Variants in ARHGAP44 observed in about 807,000 individuals in gnomAD.
ARHGAP44 encodes the protein Rho GTPase activating protein 44, also known as rho GTPase-activating protein 44.
In ARHGAP44, 43 loss-of-function variants were observed where a neutral mutation model predicts 106.8. That is an observed-to-expected ratio of 0.40 (90% confidence interval 0.32 to 0.52). ARHGAP44 has a LOEUF of 0.52. ARHGAP44 is among the 20% of genes least tolerant of loss of function. The pLI, the probability that ARHGAP44 is intolerant of heterozygous loss-of-function variation, is 0.48. For missense variants in ARHGAP44, 866 were observed against 1,050.5 expected (o/e 0.82, Z 2.43); for synonymous variants, 439 against 410.3 (o/e 1.07, Z -0.85).
intron 1 of ARHGAP44, among the ~76,000 whole-genome samples, chr17:12,848,776 G>A (rs953065742): frequency 6.6e-6 from 1 of 152,086 alleles, no homozygotes; most frequent in East Asian, 1.9e-4. Flanking sequence ...GGCTGGGCAC[G>A]GTGGCTCATG....
intron 1 of ARHGAP44, among the ~76,000 whole-genome samples, chr17:12,874,045 G>T (rs2036482972): frequency 6.6e-6 from 1 of 152,204 alleles, no homozygotes; most frequent in Non-Finnish European, 1.5e-5. Flanking sequence ...ATAAGTGGTT[G>T]TTGGGGATGG....
chr17:12,812,521 A>T (rs376103633), intron 1 of ARHGAP44, among the ~76,000 whole-genome samples: 2 of 152,244 alleles, frequency 1.3e-5, no homozygotes, highest in East Asian at 1.9e-4. Context: ...ACATCTATAG[A>T]TGAATTTTAC....
intron 1 of ARHGAP44, among the ~76,000 whole-genome samples, chr17:12,843,732 T>G (rs2035485924): frequency 6.8e-6 from 1 of 148,108 alleles, no homozygotes; most frequent in Non-Finnish European, 1.5e-5. Flanking sequence ...CTCTGCTCAC[T>G]GCAACCACCA....
In ARHGAP44 at chr17:12,828,803, G is replaced by A. The variant is rs185464398; in HGVS notation, c.53+38912G>A. Reference sequence around the variant, plus strand: ...ACTACAGGCGTCCGCCACCATGCCCGGCTAATTTTTTGTATTTTTAGTGGA... The same window carrying A: ...ACTACAGGCGTCCGCCACCATGCCCAGCTAATTTTTTGTATTTTTAGTGGA... On this transcript the variant is annotated intron_variant, in intron 1 of 20. Coordinates refer to ENST00000379672, the MANE Select transcript of ARHGAP44 (RefSeq NM_014859.6). 3.7e-3 allele frequency among the ~76,000 whole-genome samples: 560 copies of A among 151,702 alleles called. 1 individual carries two copies. The highest frequency in any genetic ancestry group is 0.011 in the African/African-American group (452 of 41,374).
At chr17:12,839,732 G>A (rs567818478) in intron 1 of ARHGAP44, among the ~76,000 whole-genome samples, 4 of 152,242 alleles carry the variant, frequency 2.6e-5, no homozygotes, top group South Asian at 2.1e-4. Flanking sequence ...TTTAAGTTGC[G>A]TGGATATTCA....
intron 4 of ARHGAP44, among the ~76,000 whole-genome samples, chr17:12,913,166 A>G (rs1246293135): frequency 1.3e-5 from 2 of 152,138 alleles, no homozygotes; most frequent in South Asian, 2.1e-4. Flanking sequence ...TTATTTTAAT[A>G]TATAACAGAA....
intron 1 of ARHGAP44, among the ~76,000 whole-genome samples, chr17:12,870,297 G>A (rs978962491): frequency 2.6e-5 from 4 of 151,968 alleles, no homozygotes; most frequent in Admixed American, 6.6e-5. Context: ...CAGTTCTCCC[G>A]CCTCAGTACT....
At chr17:12,917,593 C>G (rs2037956247) in intron 5 of ARHGAP44, among the ~76,000 whole-genome samples, 1 of 152,110 alleles carries the variant, frequency 6.6e-6, no homozygotes, top group Non-Finnish European at 1.5e-5. Context: ...CTGACTCACA[C>G]ATTGGTCTCT....
At chr17:12,856,189 C>G (rs569468781) in intron 1 of ARHGAP44, among the ~76,000 whole-genome samples, 6 of 152,266 alleles carry the variant, frequency 3.9e-5, no homozygotes, top group African/African-American at 1.4e-4. Flanking sequence ...TGTAGATGGT[C>G]CATTGAAGCC....
At chr17:12,873,767 G>A (rs1157084079) in intron 1 of ARHGAP44, among the ~76,000 whole-genome samples, 4 of 151,976 alleles carry the variant, frequency 2.6e-5, no homozygotes, top group East Asian at 3.9e-4. Flanking sequence ...GCATGGTGGC[G>A]GGCACCTGTA....
At chr17:12,832,333 G>C (rs988345153) in intron 1 of ARHGAP44, among the ~76,000 whole-genome samples, 3 of 152,130 alleles carry the variant, frequency 2.0e-5, no homozygotes, top group African/African-American at 4.8e-5. Flanking sequence ...CACAAGGCCA[G>C]ATGAGCCAAT....
chr17:12,850,086 A>G (rs953468970), intron 1 of ARHGAP44, among the ~76,000 whole-genome samples: 1 of 152,194 alleles, frequency 6.6e-6, no homozygotes, highest in African/African-American at 2.4e-5. Context: ...ACTGACATAT[A>G]AAGACTTGTC....
intron 3 of ARHGAP44, among the ~76,000 whole-genome samples, chr17:12,900,270 C>T (rs1420850165): frequency 1.3e-5 from 2 of 152,108 alleles, no homozygotes; most frequent in East Asian, 3.9e-4. Context: ...GCTGAGATTA[C>T]AGACGCCCAC....
intron 1 of ARHGAP44, among the ~76,000 whole-genome samples, chr17:12,830,407 T>C (rs1186561797): frequency 6.6e-6 from 1 of 152,172 alleles, no homozygotes; most frequent in Non-Finnish European, 1.5e-5. Flanking sequence ...CAGTAAGATG[T>C]GGCTGGGAGG....
chr17:12,978,673 TTTTTC>T (rs1340719754), intron 18 of ARHGAP44, among the ~76,000 whole-genome samples: 1 of 145,328 alleles, frequency 6.9e-6, no homozygotes, highest in African/African-American at 2.5e-5. Context: ...CTGCCTTTTT[TTTTTC>T]TTTTCTTTTT....
Position 12,912,154 on chromosome 17 carries a change from G to T in ARHGAP44, c.275+3181G>T, listed in dbSNP as rs1243131869. ...ACAGATTGTGTAGGGGAGGAAAAAA[G>T]GTTAGGAGAACAATCACTTGTGTTT... On this transcript the variant is annotated intron_variant, in intron 4 of 20. Coordinates refer to ENST00000379672, the MANE Select transcript of ARHGAP44 (RefSeq NM_014859.6). Among the ~76,000 whole-genome samples, 8 of 152,116 alleles carry T rather than the reference G, an allele frequency of 5.3e-5. No individual in the cohort carries two copies. The East Asian group carries it at 1.3e-3, about 26-fold the overall frequency.
intron 1 of ARHGAP44, among the ~76,000 whole-genome samples, chr17:12,846,363 A>G (rs982204775): frequency 6.6e-6 from 1 of 152,176 alleles, no homozygotes; most frequent in Admixed American, 6.5e-5. Context: ...ATTAACAGTT[A>G]CAATGGATGC....
rs1243917154 is a variant in ARHGAP44, at chr17:12,984,888, C to G, written c.2297C>G (p.Pro766Arg). 1 of 1,610,396 alleles carries G rather than the reference C, an allele frequency of 6.2e-7. No individual in the cohort carries two copies. Among genetic ancestry groups the G allele is most frequent in the Non-Finnish European group, 8.5e-7 (1 of 1,177,324 alleles). ...TEAPMLDGMS[P>R]GESMSTDLVH... ...GCCCCCATGCTAGATGGCATGTCCC[C>G]TGGGGAAAGCATGTCTACAGGTAAC... Residue 766 changes from proline (P) to arginine (R), a missense_variant, in exon 20 of 21, where the codon CCT becomes CGT. Coordinates refer to ENST00000379672, the MANE Select transcript of ARHGAP44 (RefSeq NM_014859.6).
intron 10 of ARHGAP44, among the ~76,000 whole-genome samples, chr17:12,947,277 A>G (rs1427324355): frequency 6.6e-6 from 1 of 152,180 alleles, no homozygotes; most frequent in East Asian, 1.9e-4. Context: ...ACTTACTGCC[A>G]GCCTCCTTGG....
Sources: allele counts gnomAD v4.1 joint callset (sites outside exome capture counted in the v4.1 genomes callset), GRCh38; gene constraint gnomAD v4.1.1; transcripts MANE v1.5; gene names NCBI Gene and HGNC (gene_info 2026-07-23, HGNC 2026-07-21).